The following NRG3 variants were observed in gnomAD, a reference collection of about 807,000 sequenced individuals.
NRG3 encodes pro-neuregulin-3, membrane-bound isoform.
NRG3 carries 31 observed loss-of-function variants against 66.9 expected under a neutral mutation model. The observed-to-expected ratio is 0.46, with a 90% CI of 0.35 to 0.63. The LOEUF (loss-of-function observed/expected upper bound fraction) is 0.63, where lower values mean the gene tolerates loss of function less well. Among genes scored for constraint, NRG3 ranks in the 20% least tolerant of loss-of-function variants. The probability of loss-of-function intolerance (pLI) is 0.00; values close to 1 mark genes in which losing one functional copy is unlikely to be tolerated. For synonymous variants in NRG3, 393 were observed against 359.4 expected, an observed-to-expected ratio of 1.09 and a Z score of -1.06; for missense variants, 910 against 878.9, an observed-to-expected ratio of 1.04 and a Z score of -0.45.
In NRG3 at chr10:82,266,274, T is replaced by C. The variant is rs73304700; in HGVS notation, c.824-92465T>C. Among the ~76,000 whole-genome samples the C allele has an allele frequency of 1.5e-3, 234 of 152,272 alleles. 1 individual carries two copies. Among genetic ancestry groups the C allele is most frequent in the African/African-American group, 5.5e-3 (228 of 41,570 alleles). Reference sequence around the variant, plus strand: ...AGGGGCAGTCGGGGAGGGTGTGTTCTATTATAATCCCATTGGAGTAATGGT... The same window carrying C: ...AGGGGCAGTCGGGGAGGGTGTGTTCCATTATAATCCCATTGGAGTAATGGT... On this transcript the variant is annotated intron_variant, in intron 1 of 8. Coordinates refer to ENST00000372141, the MANE Select transcript of NRG3 (RefSeq NM_001010848.4).
intron 2 of NRG3, among the ~76,000 whole-genome samples, chr10:82,574,476 A>G (rs1226374709): frequency 6.6e-6 from 1 of 151,790 alleles, no homozygotes; most frequent in Non-Finnish European, 1.5e-5. Context: ...TAGCACAGTA[A>G]AGTGACTGCA....
chr10:82,162,726 G>A (rs1489896320), intron 1 of NRG3, among the ~76,000 whole-genome samples: 1 of 152,130 alleles, frequency 6.6e-6, no homozygotes, highest in African/African-American at 2.4e-5. Flanking sequence ...GTAACTATGG[G>A]ATGTGTTGCT....
At chr10:82,176,967 T>G (rs977373939) in intron 1 of NRG3, among the ~76,000 whole-genome samples, 2 of 151,192 alleles carry the variant, frequency 1.3e-5, no homozygotes, top group Admixed American at 1.3e-4. Context: ...CACCCCTAGC[T>G]CCAAGACTCC....
At chr10:82,098,013 C>A (rs1435079712) in intron 1 of NRG3, among the ~76,000 whole-genome samples, 2 of 150,274 alleles carry the variant, frequency 1.3e-5, no homozygotes, top group East Asian at 4.0e-4. Context: ...GATCTGAGAC[C>A]TTATCCTATT....
chr10:82,600,689 C>T (rs1449765138), intron 2 of NRG3, among the ~76,000 whole-genome samples: 1 of 152,210 alleles, frequency 6.6e-6, no homozygotes, highest in Non-Finnish European at 1.5e-5. Context: ...AGGCTGGTCT[C>T]GAACTCCTGA....
intron 1 of NRG3, among the ~76,000 whole-genome samples, chr10:82,288,261 A>C (rs1402693354): frequency 6.6e-6 from 1 of 152,120 alleles, no homozygotes; most frequent in East Asian, 1.9e-4. Flanking sequence ...CACTTACATT[A>C]ATTTATTTAA....
Position 82,232,487 on chromosome 10 carries a change from A to T in NRG3, c.824-126252A>T. 5 of 411,514 alleles carry T rather than the reference A, an allele frequency of 1.2e-5. No individual in the cohort carries two copies. The South Asian group carries it at 1.6e-4, about 14-fold the overall frequency. The allele number at this position is 411,514 out of a possible 1,614,324, so 25.5% of individuals were successfully genotyped here. ...TGTGTTGCTTGTGCTTACAGTAGAGATGGCTCTTCTCCTAACAGGTGCTCC... is the reference window on the plus strand; with the variant it reads ...TGTGTTGCTTGTGCTTACAGTAGAGTTGGCTCTTCTCCTAACAGGTGCTCC... On this transcript the variant is annotated intron_variant, in intron 1 of 8. Transcript: ENST00000372141.
At chr10:82,326,257 T>C (rs1161603688) in intron 1 of NRG3, among the ~76,000 whole-genome samples, 1 of 152,224 alleles carries the variant, frequency 6.6e-6, no homozygotes, top group Non-Finnish European at 1.5e-5. Context: ...ATAAGAATTC[T>C]ACTGTTATCA....
intron 3 of NRG3, among the ~76,000 whole-genome samples, chr10:82,777,783 T>C (rs1239614116): frequency 6.6e-6 from 1 of 152,158 alleles, no homozygotes; most frequent in African/African-American, 2.4e-5. Context: ...CCTGGAGTGC[T>C]AGGACATAGC....
chr10:82,517,412 A>G (rs1340939481), intron 2 of NRG3, among the ~76,000 whole-genome samples: 1 of 152,162 alleles, frequency 6.6e-6, no homozygotes, highest in Admixed American at 6.5e-5. Context: ...ACTGAATGTA[A>G]GTATTCAGTT....
chr10:82,553,592 G>A (rs2044467431), intron 2 of NRG3, among the ~76,000 whole-genome samples: 1 of 152,024 alleles, frequency 6.6e-6, no homozygotes, highest in Admixed American at 6.6e-5. Context: ...GAGTCTTTAA[G>A]ATGTTTGGAA....
At chr10:82,181,832 C>T (rs1034070459) in intron 1 of NRG3, among the ~76,000 whole-genome samples, 4 of 151,688 alleles carry the variant, frequency 2.6e-5, no homozygotes, top group Admixed American at 2.0e-4. Flanking sequence ...AATGTTCTGG[C>T]CATTATTGAA....
At chr10:82,611,550 A>C (rs1346146641) in intron 2 of NRG3, among the ~76,000 whole-genome samples, 1 of 152,158 alleles carries the variant, frequency 6.6e-6, no homozygotes, top group Non-Finnish European at 1.5e-5. Flanking sequence ...TAGTTTGCTG[A>C]GAATGATGGT....
chr10:82,641,317 G>T (rs550073330), intron 2 of NRG3, among the ~76,000 whole-genome samples: 1 of 152,218 alleles, frequency 6.6e-6, no homozygotes, highest in South Asian at 2.1e-4. Flanking sequence ...CTGTGCGCTT[G>T]TGTATGTCTG....
intron 1 of NRG3, among the ~76,000 whole-genome samples, chr10:82,140,535 C>T (rs555180683): frequency 6.6e-6 from 1 of 152,048 alleles, no homozygotes; most frequent in Admixed American, 6.6e-5. Flanking sequence ...AAAATTAAGA[C>T]CTGAATAATT....
chr10:81,959,910 A>C (rs972528020), intron 1 of NRG3, among the ~76,000 whole-genome samples: 6 of 152,170 alleles, frequency 3.9e-5, no homozygotes, highest in African/African-American at 1.4e-4. Flanking sequence ...CTAAATCAGT[A>C]ACTCATTTTC....
At chr10:82,924,185 C>T (rs1846751419) in intron 4 of NRG3, among the ~76,000 whole-genome samples, 1 of 147,454 alleles carries the variant, frequency 6.8e-6, no homozygotes, top group Admixed American at 6.8e-5. Flanking sequence ...AAGCACTAAA[C>T]AAATGTCAAG....
chr10:82,136,548 C>G (rs2069365041), intron 1 of NRG3, among the ~76,000 whole-genome samples: 1 of 152,168 alleles, frequency 6.6e-6, no homozygotes, highest in Non-Finnish European at 1.5e-5. Flanking sequence ...AGCCACAATA[C>G]AATGTTTTTT....
At chr10:81,998,488 T>A (rs943484683) in intron 1 of NRG3, among the ~76,000 whole-genome samples, 6 of 152,146 alleles carry the variant, frequency 3.9e-5, no homozygotes, top group African/African-American at 1.4e-4. Context: ...CCAGTGGACA[T>A]CTCATGGGTC....
Sources: allele counts gnomAD v4.1 joint callset (sites outside exome capture counted in the v4.1 genomes callset), GRCh38; gene constraint gnomAD v4.1.1; transcripts MANE v1.5; gene names NCBI Gene and HGNC (gene_info 2026-07-23, HGNC 2026-07-21).